Variants in CADPS2 observed in about 807,000 individuals in gnomAD.
CADPS2 encodes the protein calcium dependent secretion activator 2.
In CADPS2, 93 loss-of-function variants were observed where a neutral mutation model predicts 172.5. The ratio of observed to expected loss-of-function variants is 0.54; its 90% confidence interval spans 0.46 to 0.64. The LOEUF (loss-of-function observed/expected upper bound fraction) is 0.64. Among genes scored for constraint, CADPS2 ranks in the 30% least tolerant of loss-of-function variants. CADPS2 has a pLI of 0.00. For synonymous variants in CADPS2, 546 were observed against 555.2 expected, an observed-to-expected ratio of 0.98 and a Z score of 0.23; for missense variants, 1,420 against 1,565.9, an observed-to-expected ratio of 0.91 and a Z score of 1.57.
intron 1 of CADPS2, among the ~76,000 whole-genome samples, chr7:122,741,444 T>TGTA (rs2092469472): frequency 2.0e-5 from 3 of 152,192 alleles, no homozygotes; most frequent in Admixed American, 2.0e-4. Context: ...ACAGCAGCTT[T>TGTA]GTACATCTTG....
At chr7:122,771,308 G>A (rs2093697743) in intron 1 of CADPS2, among the ~76,000 whole-genome samples, 1 of 152,164 alleles carries the variant, frequency 6.6e-6, no homozygotes. Context: ...GAACACTCCG[G>A]TAGCAATGAG....
intron 1 of CADPS2, chr7:122,849,942 G>T: frequency 1.8e-6 from 1 of 558,320 alleles, no homozygotes; most frequent in South Asian, 1.9e-5. Flanking sequence ...CCAGCTCCTG[G>T]CCCAGTACTA....
intron 24 of CADPS2, 63 bp downstream of exon 24, chr7:122,386,963 A>G: frequency 6.7e-7 from 1 of 1,491,852 alleles, no homozygotes; most frequent in Non-Finnish European, 9.0e-7. Context: ...GCCTTGTGGA[A>G]AGGGCATTTC....
chr7:122,704,042 T>C (rs1056221127), intron 2 of CADPS2, among the ~76,000 whole-genome samples: 1 of 152,132 alleles, frequency 6.6e-6, no homozygotes, highest in African/African-American at 2.4e-5. Flanking sequence ...TTTTCTATCA[T>C]GTATAGGTTA....
chr7:122,691,553 C>A (rs562634624), intron 2 of CADPS2, among the ~76,000 whole-genome samples: 1 of 152,330 alleles, frequency 6.6e-6, no homozygotes, highest in South Asian at 2.1e-4. Flanking sequence ...GGCATTGCCA[C>A]TTCTAAATCT....
chr7:122,457,926 A>C (rs2152078633), intron 14 of CADPS2, among the ~76,000 whole-genome samples: 1 of 152,326 alleles, frequency 6.6e-6, no homozygotes, highest in African/African-American at 2.4e-5. Flanking sequence ...TAAATTAATA[A>C]GACATTAAAT....
intron 8 of CADPS2, among the ~76,000 whole-genome samples, chr7:122,527,189 A>C (rs1384001684): frequency 1.3e-5 from 2 of 152,124 alleles, no homozygotes; most frequent in African/African-American, 2.4e-5. Context: ...TGAAAACATT[A>C]AGGAAGCATG....
At chr7:122,545,401 T>C (rs1212292484) in intron 8 of CADPS2, among the ~76,000 whole-genome samples, 1 of 152,112 alleles carries the variant, frequency 6.6e-6, no homozygotes, top group Admixed American at 6.6e-5. Flanking sequence ...AATAAAAGCA[T>C]GCTCAGGGTA....
chr7:122,575,286 A>G (rs151155694), intron 7 of CADPS2, among the ~76,000 whole-genome samples: 3,283 of 152,168 alleles, frequency 0.022, 57 homozygotes, highest in Non-Finnish European at 0.034. Flanking sequence ...GGAGAATACC[A>G]GCTTTTATTG....
chr7:122,783,858 A>G (rs1311057686), intron 1 of CADPS2, among the ~76,000 whole-genome samples: 1 of 152,190 alleles, frequency 6.6e-6, no homozygotes, highest in Non-Finnish European at 1.5e-5. Context: ...TAAGCTATTT[A>G]CTAAAGGTAA....
intron 1 of CADPS2, among the ~76,000 whole-genome samples, chr7:122,865,280 G>C (rs1009450349): frequency 6.6e-6 from 1 of 152,164 alleles, no homozygotes; most frequent in African/African-American, 2.4e-5. Context: ...CATGCTTCTT[G>C]TATGGTCTGC....
intron 1 of CADPS2, among the ~76,000 whole-genome samples, chr7:122,786,677 G>T (rs528881660): frequency 2.1e-4 from 32 of 152,246 alleles, no homozygotes; most frequent in African/African-American, 7.0e-4. Flanking sequence ...GTTTAAGACA[G>T]GAATACAACT....
At chr7:122,788,653 C>A (rs1794599609) in intron 1 of CADPS2, among the ~76,000 whole-genome samples, 1 of 152,200 alleles carries the variant, frequency 6.6e-6, no homozygotes, top group Non-Finnish European at 1.5e-5. Context: ...AGTCAACAAT[C>A]CTGCCTTCGT....
chr7:122,676,812 A>T, intron 2 of CADPS2: 1 of 761,162 alleles, frequency 1.3e-6, no homozygotes, highest in South Asian at 2.1e-5. Context: ...AAGATTCCGA[A>T]CTCACTGTAA....
intron 1 of CADPS2, among the ~76,000 whole-genome samples, chr7:122,795,068 C>T (rs1796077858): frequency 6.6e-6 from 1 of 151,512 alleles, no homozygotes; most frequent in Non-Finnish European, 1.5e-5. Context: ...AACTAGAGAA[C>T]CAAGAGCAAA....
chr7:122,531,986 G>A (rs551626427), intron 8 of CADPS2, among the ~76,000 whole-genome samples: 13 of 151,310 alleles, frequency 8.6e-5, no homozygotes, highest in South Asian at 2.1e-4. Context: ...AGCCAAGATC[G>A]TGCCATTGCA....
intron 24 of CADPS2, among the ~76,000 whole-genome samples, 185 bp downstream of exon 24, chr7:122,386,841 A>G (rs1299317649): frequency 1.3e-5 from 2 of 152,142 alleles, no homozygotes; most frequent in African/African-American, 2.4e-5. Context: ...CCATATTTAT[A>G]TCAAAAAGGA....
chr7:122,417,940 C>T (rs905351051), intron 17 of CADPS2, among the ~76,000 whole-genome samples: 4 of 152,042 alleles, frequency 2.6e-5, no homozygotes, highest in African/African-American at 4.8e-5. Flanking sequence ...CAGTTTCAGG[C>T]GGGCAGATCA....
At position 122,320,222 on chromosome 7, in the gene CADPS2, T is replaced by C. The variant is rs1283471327; in HGVS notation, c.3834A>G (p.Glu1278=). Residue 1278 remains glutamate (E), a synonymous_variant, in exon 30 of 30, where the codon GAA becomes GAG. Transcript: ENST00000449022. The part of the protein sequence containing the change: ...TVEEATASVS[E]GGGLQGITMK... ...TAGTAATGCCCTGAAGTCCTCCTCCTTCTGAAACAGAGGCTGTGGCCTCCT... is the reference window on the plus strand; with the variant it reads ...TAGTAATGCCCTGAAGTCCTCCTCCCTCTGAAACAGAGGCTGTGGCCTCCT... 1 of 1,613,094 alleles carries C rather than the reference T, an allele frequency of 6.2e-7. No homozygotes were observed. The highest frequency in any genetic ancestry group is 2.2e-5 in the East Asian group (1 of 44,810).
Sources: gnomAD v4.1 joint callset for allele counts (sites outside exome capture counted in the v4.1 genomes callset) on GRCh38, gnomAD v4.1.1 for gene constraint, MANE v1.5 for transcripts, NCBI Gene and HGNC (gene_info 2026-07-23, HGNC 2026-07-21) for gene names.